Variants in GRM8 observed in about 807,000 individuals in gnomAD.
GRM8 encodes glutamate metabotropic receptor 8.
A neutral mutation model predicts 87.2 loss-of-function variants in GRM8; 47 were observed. The observed-to-expected ratio is 0.54, with a 90% CI of 0.43 to 0.69. The LOEUF is 0.69. Ranked by LOEUF, GRM8 falls within the 30% of genes least tolerant of loss-of-function variation. The pLI, the probability that GRM8 is intolerant of heterozygous loss-of-function variation, is 0.00. For synonymous variants in GRM8, 396 were observed against 404.5 expected (o/e 0.98, Z 0.25); for missense variants, 1,019 against 1,139.2 (o/e 0.89, Z 1.52).
At chr7:126,665,058 A>G (rs1330547289) in intron 7 of GRM8, among the ~76,000 whole-genome samples, 1 of 152,096 alleles carries the variant, frequency 6.6e-6, no homozygotes, top group Non-Finnish European at 1.5e-5. Context: ...TCAAAACTAC[A>G]TGAGATACCA....
intron 9 of GRM8, among the ~76,000 whole-genome samples, chr7:126,463,338 A>G (rs566723608): frequency 6.6e-6 from 1 of 151,634 alleles, no homozygotes; most frequent in East Asian, 2.0e-4. Flanking sequence ...AGTGGTGGAT[A>G]CGTATCGTAT....
chr7:127,093,154 C>A (rs17862288), intron 3 of GRM8, among the ~76,000 whole-genome samples: 74 of 152,294 alleles, frequency 4.9e-4, no homozygotes, highest in Admixed American at 1.6e-3. Context: ...TTCATGGCAT[C>A]TCACTCTGTA....
chr7:126,539,571 A>G (rs1816298318), intron 8 of GRM8, among the ~76,000 whole-genome samples: 1 of 152,106 alleles, frequency 6.6e-6, no homozygotes, highest in African/African-American at 2.4e-5. Flanking sequence ...TCAAGACAAC[A>G]TAGTACAGGC....
chr7:126,802,199 T>C (rs1324612322), intron 6 of GRM8, among the ~76,000 whole-genome samples: 2 of 152,196 alleles, frequency 1.3e-5, no homozygotes, highest in Non-Finnish European at 2.9e-5. Context: ...ACACTTAAAA[T>C]ATGCTCTATT....
intron 7 of GRM8, among the ~76,000 whole-genome samples, chr7:126,724,497 T>C (rs1182745492): frequency 6.6e-6 from 1 of 152,284 alleles, no homozygotes; most frequent in East Asian, 1.9e-4. Flanking sequence ...CAGCCTCACT[T>C]ACCTGCACTG....
At chr7:127,143,317 T>C (rs1828378377) in intron 2 of GRM8, among the ~76,000 whole-genome samples, 1 of 152,256 alleles carries the variant, frequency 6.6e-6, no homozygotes, top group South Asian at 2.1e-4. Flanking sequence ...GGGCAAACCA[T>C]TGAAATTGTG....
chr7:126,475,571 T>C (rs1387780255), intron 9 of GRM8, among the ~76,000 whole-genome samples: 2 of 152,094 alleles, frequency 1.3e-5, no homozygotes, highest in Non-Finnish European at 1.5e-5. Flanking sequence ...ATGTAATGCC[T>C]ATGAAAATTA....
At chr7:127,107,757 A>C (rs1825950883) in intron 2 of GRM8, among the ~76,000 whole-genome samples, 1 of 152,180 alleles carries the variant, frequency 6.6e-6, no homozygotes, top group African/African-American at 2.4e-5. Flanking sequence ...AATCTATATA[A>C]ACATTTCAAC....
intron 2 of GRM8, among the ~76,000 whole-genome samples, chr7:127,117,955 C>A (rs1826798956): frequency 6.6e-6 from 1 of 152,230 alleles, no homozygotes; most frequent in African/African-American, 2.4e-5. Flanking sequence ...TTGACTCCTG[C>A]AAATAAAGAA....
chr7:126,841,650 T>C (rs1299468419), intron 6 of GRM8, among the ~76,000 whole-genome samples: 3 of 151,364 alleles, frequency 2.0e-5, no homozygotes, highest in Non-Finnish European at 2.9e-5. Flanking sequence ...TTTTTTGAGA[T>C]GGACTCTCGC....
At chr7:126,762,274 T>C (rs988893410) in intron 7 of GRM8, among the ~76,000 whole-genome samples, 29 of 152,110 alleles carry the variant, frequency 1.9e-4, no homozygotes, top group African/African-American at 7.0e-4. Context: ...CCTTTGACTT[T>C]AAAAGATTAT....
chr7:126,880,048 C>T (rs1380998360), intron 6 of GRM8, among the ~76,000 whole-genome samples: 1 of 152,176 alleles, frequency 6.6e-6, no homozygotes, highest in African/African-American at 2.4e-5. Context: ...AGGCCTGCCT[C>T]ATGCCAAAGC....
At chr7:127,196,547 A>G (rs17866493) in intron 2 of GRM8, among the ~76,000 whole-genome samples, 1 of 150,058 alleles carries the variant, frequency 6.7e-6, no homozygotes, top group Non-Finnish European at 1.5e-5. Flanking sequence ...AAAAAAAAAC[A>G]AGCAAAAAAC....
intron 8 of GRM8, among the ~76,000 whole-genome samples, chr7:126,534,337 T>A (rs1249254584): frequency 6.6e-6 from 1 of 152,210 alleles, no homozygotes; most frequent in Admixed American, 6.5e-5. Context: ...CTTAGGGAAA[T>A]TCAAATCACA....
chr7:126,797,751 T>C (rs1030700610), intron 6 of GRM8, among the ~76,000 whole-genome samples: 6 of 152,122 alleles, frequency 3.9e-5, no homozygotes, highest in East Asian at 1.9e-4. Context: ...TCTTAGAACA[T>C]GAAATACTAT....
chr7:127,233,919 T>C (rs774248313), intron 2 of GRM8, among the ~76,000 whole-genome samples: 14 of 152,166 alleles, frequency 9.2e-5, no homozygotes, highest in Non-Finnish European at 1.8e-4. Flanking sequence ...TCAAGATACA[T>C]AAAGATTAGA....
chr7:126,539,113 A>C (rs982130471), intron 8 of GRM8, among the ~76,000 whole-genome samples: 1 of 151,946 alleles, frequency 6.6e-6, no homozygotes, highest in Non-Finnish European at 1.5e-5. Flanking sequence ...AGATCTATAT[A>C]ACCTTTAAAA....
At chr7:127,015,034 GA>G (rs1815327650) in intron 3 of GRM8, among the ~76,000 whole-genome samples, 2 of 120,348 alleles carry the variant, frequency 1.7e-5, no homozygotes, top group Non-Finnish European at 3.6e-5. Context: ...AGAAGAAGAA[GA>G]AGAAGAAGAA....
chr7:126,554,555 T>C (rs1321634657), intron 8 of GRM8, among the ~76,000 whole-genome samples: 1 of 152,090 alleles, frequency 6.6e-6, no homozygotes, highest in Non-Finnish European at 1.5e-5. Flanking sequence ...ATCGTGCCAC[T>C]GCACTCCAGC....
Sources: gnomAD v4.1 joint callset for allele counts (sites outside exome capture counted in the v4.1 genomes callset) on GRCh38, gnomAD v4.1.1 for gene constraint, MANE v1.5 for transcripts, NCBI Gene and HGNC (gene_info 2026-07-23, HGNC 2026-07-21) for gene names.